The following RNF150 variants were observed in gnomAD, a reference collection of about 807,000 sequenced individuals.
RNF150 encodes ring finger protein 150.
Under a neutral mutation model 39.3 loss-of-function variants are expected in RNF150, and 24 were observed. That is an observed-to-expected ratio of 0.61 (90% confidence interval 0.44 to 0.86). The LOEUF is 0.86. Ranked by LOEUF, RNF150 falls within the 40% of genes least tolerant of loss-of-function variation. The pLI, the probability that RNF150 is intolerant of heterozygous loss-of-function variation, is 0.00. For synonymous variants in RNF150, 255 were observed against 227.3 expected, an observed-to-expected ratio of 1.12 and a Z score of -1.10; for missense variants, 502 against 587.8, an observed-to-expected ratio of 0.85 and a Z score of 1.51.
intron 1 of RNF150, among the ~76,000 whole-genome samples, chr4:141,204,106 A>G (rs558332722): frequency 7.2e-5 from 11 of 152,304 alleles, no homozygotes; most frequent in African/African-American, 2.4e-4. Context: ...GTATTTCACA[A>G]TGTAAATTAT....
chr4:141,092,322 A>G (rs1474662139), intron 1 of RNF150, among the ~76,000 whole-genome samples: 1 of 150,226 alleles, frequency 6.7e-6, no homozygotes, highest in Non-Finnish European at 1.5e-5. Flanking sequence ...CAGCCTGGGC[A>G]ACAGAGCAAG....
At chr4:140,912,590 C>T (rs1730647688) in intron 5 of RNF150, among the ~76,000 whole-genome samples, 1 of 152,190 alleles carries the variant, frequency 6.6e-6, no homozygotes, top group African/African-American at 2.4e-5. Flanking sequence ...AAGTGCTGGG[C>T]TGTTGTCCTA....
intron 1 of RNF150, among the ~76,000 whole-genome samples, chr4:141,000,019 A>C (rs1355521450): frequency 2.6e-4 from 10 of 39,064 alleles, no homozygotes; most frequent in Admixed American, 1.9e-3. Context: ...AAGAAGAAGA[A>C]GAAGAAGAAG....
At chr4:141,170,421 CT>C (rs565718006) in intron 1 of RNF150, among the ~76,000 whole-genome samples, 1 of 152,112 alleles carries the variant, frequency 6.6e-6, no homozygotes, top group Non-Finnish European at 1.5e-5. Flanking sequence ...ATTATCAGAG[CT>C]GTCAAAATCC....
intron 1 of RNF150, among the ~76,000 whole-genome samples, chr4:140,996,535 T>A (rs1560675956): frequency 6.6e-6 from 1 of 152,228 alleles, no homozygotes; most frequent in East Asian, 1.9e-4. Flanking sequence ...ACCTGCAGCT[T>A]CTTCACCTCT....
At chr4:141,151,379 T>G (rs1727293341) in intron 1 of RNF150, among the ~76,000 whole-genome samples, 1 of 150,644 alleles carries the variant, frequency 6.6e-6, no homozygotes, top group African/African-American at 2.4e-5. Flanking sequence ...GAGACCAGCC[T>G]GGGCAATGTA....
intron 1 of RNF150, among the ~76,000 whole-genome samples, chr4:140,993,642 C>T (rs964055843): frequency 6.6e-6 from 1 of 152,072 alleles, no homozygotes; most frequent in African/African-American, 2.4e-5. Flanking sequence ...GCCTGGAGAA[C>T]GAAGATAGTT....
intron 1 of RNF150, among the ~76,000 whole-genome samples, chr4:141,081,508 T>C (rs542785287): frequency 2.0e-5 from 3 of 152,328 alleles, no homozygotes; most frequent in Admixed American, 2.0e-4. Flanking sequence ...GTTTCATGTT[T>C]GGCAGCTTTA....
At chr4:140,951,602 C>T (rs558590332) in intron 2 of RNF150, among the ~76,000 whole-genome samples, 8 of 146,684 alleles carry the variant, frequency 5.5e-5, no homozygotes, top group South Asian at 2.2e-4. Context: ...AGCCAGTTAA[C>T]GGGAATATTT....
intron 4 of RNF150, among the ~76,000 whole-genome samples, chr4:140,931,120 C>T (rs984990935): frequency 1.3e-5 from 2 of 152,016 alleles, no homozygotes; most frequent in Non-Finnish European, 2.9e-5. Flanking sequence ...AAATAATACT[C>T]ACAAAGCTTA....
intron 1 of RNF150, among the ~76,000 whole-genome samples, chr4:141,070,275 A>G (rs1358081602): frequency 6.6e-6 from 1 of 152,188 alleles, no homozygotes; most frequent in Non-Finnish European, 1.5e-5. Flanking sequence ...AACCATAAAA[A>G]CCTTAGAAGA....
intron 3 of RNF150, 77 bp downstream of exon 3, chr4:140,949,224 C>A: frequency 9.0e-7 from 1 of 1,116,744 alleles, no homozygotes; most frequent in Non-Finnish European, 1.3e-6. Context: ...CCTTTCCTCT[C>A]TTCCACCCTG....
At chr4:141,157,862 A>G (rs1727439414) in intron 1 of RNF150, among the ~76,000 whole-genome samples, 2 of 152,246 alleles carry the variant, frequency 1.3e-5, no homozygotes, top group African/African-American at 2.4e-5. Flanking sequence ...TGTCTCGTCC[A>G]GAGTCAAACA....
At chr4:140,880,905 A>G (rs1022999910) in intron 6 of RNF150, among the ~76,000 whole-genome samples, 1 of 151,972 alleles carries the variant, frequency 6.6e-6, no homozygotes, top group Admixed American at 6.6e-5. Context: ...TCTTCTCTTT[A>G]TTTTAATTAG....
chr4:140,974,809 A>G (rs982304215), intron 1 of RNF150, among the ~76,000 whole-genome samples: 1 of 152,060 alleles, frequency 6.6e-6, no homozygotes, highest in South Asian at 2.1e-4. Flanking sequence ...TATTGTATCC[A>G]TTTATATTTT....
intron 4 of RNF150, among the ~76,000 whole-genome samples, chr4:140,927,125 C>G (rs1002304562): frequency 2.6e-5 from 4 of 152,170 alleles, no homozygotes; most frequent in Non-Finnish European, 5.9e-5. Context: ...ACCTCCAAAT[C>G]AGAGAAGAGT....
chr4:141,153,100 GAA>G (rs1727327587), intron 1 of RNF150, among the ~76,000 whole-genome samples: 1 of 152,080 alleles, frequency 6.6e-6, no homozygotes, highest in Non-Finnish European at 1.5e-5. Context: ...CTCAGACTGA[GAA>G]AAATTTTTAA....
chr4:141,187,837 G>A (rs1034056748), intron 1 of RNF150, among the ~76,000 whole-genome samples: 2 of 152,128 alleles, frequency 1.3e-5, no homozygotes, highest in Non-Finnish European at 2.9e-5. Flanking sequence ...GGGGCATTTA[G>A]CCCATTTATA....
At chr4:141,117,051 T>C (rs1242089956) in intron 1 of RNF150, among the ~76,000 whole-genome samples, 1 of 152,068 alleles carries the variant, frequency 6.6e-6, no homozygotes, top group Non-Finnish European at 1.5e-5. Context: ...AATTAGATGA[T>C]GGGTTGCTGG....
Sources: allele counts gnomAD v4.1 joint callset (sites outside exome capture counted in the v4.1 genomes callset), GRCh38; gene constraint gnomAD v4.1.1; transcripts MANE v1.5; gene names NCBI Gene and HGNC (gene_info 2026-07-23, HGNC 2026-07-21).